Variants in SFXN1 observed in about 807,000 individuals in gnomAD.
SFXN1 encodes sideroflexin-1.
In SFXN1, 32 loss-of-function variants were observed where a neutral mutation model predicts 39.5. The observed-to-expected ratio is 0.81, with a 90% CI of 0.61 to 1.09. The LOEUF is 1.09. Among genes scored for constraint, SFXN1 ranks in the 50% least tolerant of loss-of-function variants. The pLI, the probability that SFXN1 is intolerant of heterozygous loss-of-function variation, is 0.00. For synonymous variants in SFXN1, 136 were observed against 146.5 expected (o/e 0.93, Z 0.52); for missense variants, 402 against 407.1 (o/e 0.99, Z 0.11).
intron 2 of SFXN1, among the ~76,000 whole-genome samples, chr5:175,502,538 G>A (rs971045467): frequency 3.9e-5 from 6 of 152,182 alleles, no homozygotes; most frequent in Non-Finnish European, 7.3e-5. Context: ...ACTAAAAAGA[G>A]AATTGATAAA....
At chr5:175,493,549 C>T (rs180746311) in intron 2 of SFXN1, among the ~76,000 whole-genome samples, 1 of 152,214 alleles carries the variant, frequency 6.6e-6, no homozygotes, top group Non-Finnish European at 1.5e-5. Flanking sequence ...AAACGAACAG[C>T]AGAACATCCT....
In SFXN1 at chr5:175,527,302, T is replaced by C. The variant is rs562721606; in HGVS notation, c.*568T>C. 14 of 152,642 alleles carry C rather than the reference T, an allele frequency of 9.2e-5. No individual in the cohort carries two copies. The highest frequency in any genetic ancestry group is 3.1e-4 in the African/African-American group (13 of 41,572). The allele number at this position is 152,642 out of a possible 1,614,324, so 9.5% of individuals were successfully genotyped here. On this transcript the variant is annotated 3_prime_UTR_variant, in exon 11 of 11. Coordinates refer to ENST00000321442, the MANE Select transcript of SFXN1 (RefSeq NM_022754.7). ...GCTTTTGGATTTGGAGGGTAAAAGC[T>C]CCTTCACACCCCTTCCAAAAGTCAG...
At chr5:175,490,759 C>T (rs1759624983) in intron 1 of SFXN1, among the ~76,000 whole-genome samples, 1 of 152,054 alleles carries the variant, frequency 6.6e-6, no homozygotes, top group Non-Finnish European at 1.5e-5. Flanking sequence ...CATTATATGT[C>T]ATGGTGAAAA....
At chr5:175,505,538 A>AATAATAATAATAATAATAATG (rs1760258416) in intron 2 of SFXN1, among the ~76,000 whole-genome samples, 3 of 5,124 alleles carry the variant, frequency 5.9e-4, no homozygotes, top group African/African-American at 4.4e-3. Flanking sequence ...ACTCCATCAC[A>AATAATAATAATAATAATAATG]ATAATAATAA....
intron 2 of SFXN1, among the ~76,000 whole-genome samples, chr5:175,505,566 A>ATAATAATAATAG (rs1366629857): frequency 2.0e-5 from 3 of 149,030 alleles, no homozygotes; most frequent in Admixed American, 2.0e-4. Context: ...AATAATAATA[A>ATAATAATAATAG]TAATAATTCT....
chr5:175,481,763 G>T (rs769977437), intron 1 of SFXN1, among the ~76,000 whole-genome samples: 4 of 152,226 alleles, frequency 2.6e-5, no homozygotes, highest in Non-Finnish European at 5.9e-5. Context: ...GAACAGGGAA[G>T]CATATGCAAC....
chr5:175,518,054 A>C (rs1760769365), intron 8 of SFXN1, among the ~76,000 whole-genome samples: 1 of 152,076 alleles, frequency 6.6e-6, no homozygotes, highest in Admixed American at 6.5e-5. Context: ...TCTCTCCCCA[A>C]GTGGAGAGCT....
intron 1 of SFXN1, among the ~76,000 whole-genome samples, chr5:175,480,747 C>CAA (rs1759214849): frequency 1.4e-5 from 2 of 147,840 alleles, no homozygotes; most frequent in Admixed American, 1.3e-4. Context: ...AAGAGCAGAC[C>CAA]CGTCATCAAA....
intron 2 of SFXN1, among the ~76,000 whole-genome samples, chr5:175,498,837 T>C (rs1759964295): frequency 6.6e-6 from 1 of 151,804 alleles, no homozygotes; most frequent in South Asian, 2.1e-4. Context: ...GGAAAAGGAA[T>C]GAGGAGGAGA....
rs143655245 is a variant in SFXN1, at chr5:175,488,236, A to G, written c.-9-3859A>G. Among the ~76,000 whole-genome samples, 417 of 150,720 alleles carry G rather than the reference A, an allele frequency of 2.8e-3. 5 individuals carry two copies. The highest frequency in any genetic ancestry group is 9.8e-3 in the African/African-American group (400 of 40,972). On this transcript the variant is annotated intron_variant, in intron 1 of 10. Transcript: ENST00000321442. Reference sequence around the variant, plus strand: ...TACATCTCTTACCTCCTCATCTCCCATCTCCCACTTCCTCACTCCGCCCCA... The same window carrying G: ...TACATCTCTTACCTCCTCATCTCCCGTCTCCCACTTCCTCACTCCGCCCCA...
chr5:175,522,467 A>G lies in SFXN1; in HGVS notation c.872+45A>G, dbSNP rs199924782. 30 of 1,579,598 alleles carry G rather than the reference A, an allele frequency of 1.9e-5. No individual in the cohort carries two copies. The African/African-American group carries it at 2.6e-4, about 14-fold the overall frequency. On this transcript the variant is annotated intron_variant, in intron 10 of 10. Coordinates refer to ENST00000321442, the MANE Select transcript of SFXN1 (RefSeq NM_022754.7). ...CAGAATCATCATGAGTATTAATCCT[A>G]AAAACCAATTGAAGGTGCAGGTGCC... is the stretch of plus-strand genomic sequence containing the variant.
At chr5:175,489,111 T>C (rs1365619243) in intron 1 of SFXN1, among the ~76,000 whole-genome samples, 1 of 86,462 alleles carries the variant, frequency 1.2e-5, no homozygotes, top group South Asian at 2.7e-4. Flanking sequence ...AGCCTTTTTT[T>C]AGACCTTCTG....
In SFXN1 at chr5:175,510,172, C is replaced by T. The variant is rs1459870455; in HGVS notation, c.399C>T (p.Tyr133=). ...INQSFNAVVN[Y]TNRSGDAPLT... ...AGTCCTTCAATGCCGTCGTCAATTACACCAACAGAAGTGGAGACGCACCCC... is the reference window on the plus strand; with the variant it reads ...AGTCCTTCAATGCCGTCGTCAATTATACCAACAGAAGTGGAGACGCACCCC... Residue 133 remains tyrosine (Y), a synonymous_variant, in exon 4 of 11, where the codon TAC becomes TAT. Transcript: ENST00000321442. The T allele has an allele frequency of 2.5e-6, 4 of 1,613,422 alleles. No individual in the cohort carries two copies. Among genetic ancestry groups the T allele is most frequent in the African/African-American group, 2.7e-5 (2 of 75,012 alleles).
At chr5:175,483,207 G>T (rs10070505) in intron 1 of SFXN1, among the ~76,000 whole-genome samples, 10,372 of 152,176 alleles carry the variant, frequency 0.068, 538 homozygotes, top group African/African-American at 0.15. Context: ...AAAATAATCT[G>T]TTCACTCAAA....
Position 175,526,679 on chromosome 5 carries a change from A to G in SFXN1, c.914A>G (p.Lys305Arg). ...AGCTTGGAGGCCGAGTTGCAAGCTA[A>G]GATCCAAGAGAGCCATCCTGAATTG... ...VTSLEAELQA[K>R]IQESHPELRR... Residue 305 changes from lysine (K) to arginine (R), a missense_variant, in exon 11 of 11, where the codon AAG becomes AGG. By Grantham distance (26) the Lys-to-Arg change is conservative (BLOSUM62 2). Transcript: ENST00000321442. The G allele has an allele frequency of 6.2e-6, 10 of 1,614,224 alleles. No homozygotes were observed. The highest frequency in any genetic ancestry group is 8.5e-6 in the Non-Finnish European group (10 of 1,180,042).
At chr5:175,516,690 C>G (rs1223229771) in intron 8 of SFXN1, 27 bp downstream of exon 8, 1 of 1,606,322 alleles carries the variant, frequency 6.2e-7, no homozygotes. Context: ...TTGTCATTTT[C>G]TCAACCCTTT....
intron 1 of SFXN1, among the ~76,000 whole-genome samples, chr5:175,481,285 T>C (rs1345198462): frequency 2.0e-5 from 3 of 152,198 alleles, no homozygotes; most frequent in African/African-American, 7.2e-5. Context: ...ATATGAGCAA[T>C]GGTTGTAATG....
rs1761068795 is a variant in SFXN1 at position 175,526,656 on chromosome 5, C to T, written c.891C>T (p.Ser297=). Residue 297 remains serine (S), a synonymous_variant, in exon 11 of 11, where the codon AGC becomes AGT. Coordinates refer to ENST00000321442, the MANE Select transcript of SFXN1 (RefSeq NM_022754.7). The part of the protein sequence containing the change: ...FPQKSSMSVT[S]LEAELQAKIQ... ...ATCCCAGTTCCATGTCTGTGACAAG[C>T]TTGGAGGCCGAGTTGCAAGCTAAGA... is the stretch of plus-strand genomic sequence containing the variant. 3.1e-6 allele frequency: 5 copies of T among 1,614,174 alleles called. No homozygotes were observed. The highest frequency in any genetic ancestry group is 3.4e-6 in the Non-Finnish European group (4 of 1,180,016).
intron 1 of SFXN1, among the ~76,000 whole-genome samples, chr5:175,487,656 C>T (rs138940430): frequency 1.3e-3 from 197 of 152,220 alleles, no homozygotes; most frequent in African/African-American, 4.6e-3. Context: ...CATCGCATGA[C>T]TTTAAATATA....
Sources: allele counts gnomAD v4.1 joint callset (sites outside exome capture counted in the v4.1 genomes callset), GRCh38; gene constraint gnomAD v4.1.1; transcripts MANE v1.5; gene names NCBI Gene and HGNC (gene_info 2026-07-23, HGNC 2026-07-21).